The following GALNT7 variants were observed in gnomAD, a reference collection of about 807,000 sequenced individuals.
GALNT7 encodes the protein polypeptide N-acetylgalactosaminyltransferase 7.
In GALNT7, 60 loss-of-function variants were observed where a neutral mutation model predicts 82.1. The ratio of observed to expected loss-of-function variants is 0.73; its 90% CI spans 0.59 to 0.91. The LOEUF is 0.91. Among genes scored for constraint, GALNT7 ranks in the 40% least tolerant of loss-of-function variants. GALNT7 has a pLI of 0.00. For synonymous variants in GALNT7, 243 were observed against 275.1 expected, an observed-to-expected ratio of 0.88 and a Z score of 1.15; for missense variants, 660 against 804.2, an observed-to-expected ratio of 0.82 and a Z score of 2.17.
At chr4:173,209,829 C>T (rs2126668575) in intron 1 of GALNT7, among the ~76,000 whole-genome samples, 1 of 152,332 alleles carries the variant, frequency 6.6e-6, no homozygotes, top group Non-Finnish European at 1.5e-5. Context: ...GAATTAGGCA[C>T]CTAGCAATTT....
intron 8 of GALNT7, among the ~76,000 whole-genome samples, chr4:173,306,906 A>G (rs551869313): frequency 4.6e-5 from 7 of 152,226 alleles, no homozygotes; most frequent in South Asian, 2.1e-4. Context: ...TGGACCAGTC[A>G]CCTCTTGCGG....
chr4:173,273,792 T>C (rs552976610), intron 2 of GALNT7, among the ~76,000 whole-genome samples: 1 of 152,234 alleles, frequency 6.6e-6, no homozygotes, highest in South Asian at 2.1e-4. Context: ...TTTTAACTTT[T>C]GTAATACTGT....
chr4:173,201,408 T>A (rs760749638), intron 1 of GALNT7, among the ~76,000 whole-genome samples: 1 of 152,182 alleles, frequency 6.6e-6, no homozygotes, highest in Non-Finnish European at 1.5e-5. Flanking sequence ...AATTTCCAAG[T>A]ACTTGCTGTT....
At chr4:173,230,385 A>G (rs560365704) in intron 1 of GALNT7, among the ~76,000 whole-genome samples, 1 of 152,320 alleles carries the variant, frequency 6.6e-6, no homozygotes, top group South Asian at 2.1e-4. Context: ...AGTTTTTGAA[A>G]TAAAATGATT....
At chr4:173,208,137 T>C (rs1554021446) in intron 1 of GALNT7, among the ~76,000 whole-genome samples, 1 of 152,096 alleles carries the variant, frequency 6.6e-6, no homozygotes, top group Non-Finnish European at 1.5e-5. Context: ...TATTAGTTAC[T>C]CCCCCCAGTT....
At position 173,319,734 on chromosome 4, in the gene GALNT7, A is replaced by C. The variant is rs557840560; in HGVS notation, c.1836+1175A>C. 4.3e-4 allele frequency among the ~76,000 whole-genome samples: 65 copies of C among 152,322 alleles called. 1 individual carries two copies. The highest frequency in any genetic ancestry group is 1.4e-3 in the African/African-American group (60 of 41,580). ...ATTACTGAACATTCACTTGGGGACC[A>C]ATAATATGTTAGACTGTAGGGGAGT... On this transcript the variant is annotated intron_variant, in intron 11 of 11. Coordinates refer to ENST00000265000, the MANE Select transcript of GALNT7 (RefSeq NM_017423.3).
intron 2 of GALNT7, among the ~76,000 whole-genome samples, chr4:173,277,025 G>GATAGATAGAT (rs1735935386): frequency 6.6e-6 from 1 of 152,010 alleles, no homozygotes; most frequent in Non-Finnish European, 1.5e-5. Context: ...TTAAAGAGAC[G>GATAGATAGAT]ATAGATAGAT....
intron 1 of GALNT7, among the ~76,000 whole-genome samples, chr4:173,183,423 A>G (rs1287437374): frequency 6.6e-6 from 1 of 152,132 alleles, no homozygotes; most frequent in African/African-American, 2.4e-5. Flanking sequence ...GTTTTCTGGC[A>G]CAAGGCTCCT....
intron 1 of GALNT7, among the ~76,000 whole-genome samples, chr4:173,230,299 A>AGC (rs374630826): frequency 0.9 from 136,625 of 151,868 alleles, 62,839 homozygotes; most frequent in Non-Finnish European, 1. Context: ...TATGTTATAT[A>AGC]TTCTTTCAGT....
chr4:173,272,701 T>C (rs181141672), intron 2 of GALNT7, among the ~76,000 whole-genome samples: 56 of 152,354 alleles, frequency 3.7e-4, no homozygotes, highest in African/African-American at 1.1e-3. Context: ...TTTTCTCCTT[T>C]ACAACGTTTT....
intron 2 of GALNT7, among the ~76,000 whole-genome samples, chr4:173,266,966 G>A (rs1735525434): frequency 6.9e-6 from 1 of 144,458 alleles, no homozygotes; most frequent in Non-Finnish European, 1.5e-5. Flanking sequence ...TTGGCTAATG[G>A]CTATAAACAT....
chr4:173,258,268 A>G (rs1459315618), intron 2 of GALNT7, among the ~76,000 whole-genome samples: 1 of 152,222 alleles, frequency 6.6e-6, no homozygotes, highest in Admixed American at 6.5e-5. Flanking sequence ...CTCCAGGGTC[A>G]TATGCCAGAT....
intron 6 of GALNT7, among the ~76,000 whole-genome samples, chr4:173,300,233 C>G (rs1425721101): frequency 6.6e-6 from 1 of 152,168 alleles, no homozygotes; most frequent in Non-Finnish European, 1.5e-5. Context: ...GTCCCAGCAA[C>G]TCAGGAGACT....
intron 9 of GALNT7, chr4:173,316,304 A>G (rs1737600166): frequency 6.6e-6 from 1 of 152,372 alleles, no homozygotes; most frequent in East Asian, 1.9e-4. Flanking sequence ...ACACGCATGC[A>G]TGGCCAGCTC....
At chr4:173,198,029 T>C (rs1177161236) in intron 1 of GALNT7, among the ~76,000 whole-genome samples, 1 of 151,992 alleles carries the variant, frequency 6.6e-6, no homozygotes, top group Admixed American at 6.6e-5. Flanking sequence ...GCAAGGGTGA[T>C]GCAGCTAGCT....
intron 2 of GALNT7, among the ~76,000 whole-genome samples, chr4:173,252,343 CTCTG>C (rs1734878627): frequency 2.6e-5 from 4 of 152,180 alleles, no homozygotes; most frequent in Admixed American, 2.6e-4. Flanking sequence ...GTTCTCCTGC[CTCTG>C]TCTGTCATAG....
chr4:173,191,852 A>G (rs554883562), intron 1 of GALNT7, among the ~76,000 whole-genome samples: 1 of 152,284 alleles, frequency 6.6e-6, no homozygotes, highest in South Asian at 2.1e-4. Flanking sequence ...TCGAAAAACT[A>G]CTTAGTGGAT....
chr4:173,227,394 C>T (rs1733866386), intron 1 of GALNT7, among the ~76,000 whole-genome samples: 1 of 152,096 alleles, frequency 6.6e-6, no homozygotes, highest in Non-Finnish European at 1.5e-5. Context: ...TGCAGTGACT[C>T]GATCTTGGCT....
chr4:173,212,543 A>G lies in GALNT7; in HGVS notation c.127-35437A>G, dbSNP rs561499167. Among the ~76,000 whole-genome samples, 6 of 152,188 alleles carry G rather than the reference A, an allele frequency of 3.9e-5. No homozygotes were observed. The East Asian group carries it at 1.2e-3, about 29-fold the overall frequency. On this transcript the variant is annotated intron_variant, in intron 1 of 11. Coordinates refer to ENST00000265000, the MANE Select transcript of GALNT7 (RefSeq NM_017423.3). Reference sequence around the variant, plus strand: ...ACAAATGGAAAATTCAGAGAGATCCAAAGAGATGAAGGGATTAACTCCACT... The same window carrying G: ...ACAAATGGAAAATTCAGAGAGATCCGAAGAGATGAAGGGATTAACTCCACT...
Sources: allele counts gnomAD v4.1 joint callset (sites outside exome capture counted in the v4.1 genomes callset), GRCh38; gene constraint gnomAD v4.1.1; transcripts MANE v1.5; gene names NCBI Gene and HGNC (gene_info 2026-07-23, HGNC 2026-07-21).